The following GLCCI1 variants were observed in gnomAD, a reference collection of about 807,000 sequenced individuals.
The protein encoded by GLCCI1 is glucocorticoid induced 1, also known as glucocorticoid-induced transcript 1 protein.
A neutral mutation model predicts 52.2 loss-of-function variants in GLCCI1; 24 were observed. That is an observed-to-expected ratio of 0.46 (90% CI 0.33 to 0.65). GLCCI1 has a LOEUF of 0.65. Ranked by LOEUF, GLCCI1 falls within the 30% of genes least tolerant of loss-of-function variation. GLCCI1 has a pLI of 0.02. For missense variants in GLCCI1, 704 were observed against 701.5 expected, an observed-to-expected ratio of 1.00 and a Z score of -0.04; for synonymous variants, 310 against 276.5, an observed-to-expected ratio of 1.12 and a Z score of -1.20.
intron 4 of GLCCI1, among the ~76,000 whole-genome samples, chr7:8,059,388 G>A (rs1782467011): frequency 6.6e-6 from 1 of 152,148 alleles, no homozygotes; most frequent in African/African-American, 2.4e-5. Flanking sequence ...TTCAGTGTAA[G>A]ATAGAGGTCA....
At chr7:8,062,644 A>G (rs1325781857) in intron 5 of GLCCI1, among the ~76,000 whole-genome samples, 2 of 152,116 alleles carry the variant, frequency 1.3e-5, no homozygotes, top group African/African-American at 4.8e-5. Flanking sequence ...GTAGGCCCTG[A>G]TATCTGTTGT....
intron 1 of GLCCI1, among the ~76,000 whole-genome samples, chr7:7,983,708 G>C (rs1780667633): frequency 6.6e-6 from 1 of 152,152 alleles, no homozygotes. Flanking sequence ...ATGATTGTTA[G>C]TGCATGCAAG....
intron 3 of GLCCI1, among the ~76,000 whole-genome samples, chr7:8,027,701 C>T (rs73242085): frequency 6.7e-6 from 1 of 150,166 alleles, no homozygotes; most frequent in Non-Finnish European, 1.5e-5. Context: ...AAAAAAGAGA[C>T]CCAATGATCT....
intron 2 of GLCCI1, among the ~76,000 whole-genome samples, chr7:8,010,086 A>G (rs1781234738): frequency 6.6e-6 from 1 of 152,180 alleles, no homozygotes; most frequent in Non-Finnish European, 1.5e-5. Flanking sequence ...TGATACAGTT[A>G]GATGCGATTT....
chr7:8,008,575 A>G (rs1292007547), intron 2 of GLCCI1, among the ~76,000 whole-genome samples: 47 of 152,312 alleles, frequency 3.1e-4, no homozygotes. Flanking sequence ...GATTACAGGC[A>G]TGAGCCACCA....
intron 5 of GLCCI1, among the ~76,000 whole-genome samples, chr7:8,065,162 C>T (rs1436517258): frequency 1.3e-5 from 2 of 152,012 alleles, no homozygotes; most frequent in Non-Finnish European, 2.9e-5. Flanking sequence ...AGCTGTATTC[C>T]TAAGCTATTG....
At chr7:8,045,035 T>G (rs756570278) in intron 3 of GLCCI1, among the ~76,000 whole-genome samples, 1 of 152,116 alleles carries the variant, frequency 6.6e-6, no homozygotes, top group Non-Finnish European at 1.5e-5. Flanking sequence ...AAGAATTAAG[T>G]CCTTATGGCA....
At chr7:8,067,763 T>C (rs913605394) in intron 5 of GLCCI1, among the ~76,000 whole-genome samples, 1 of 152,228 alleles carries the variant, frequency 6.6e-6, no homozygotes, top group African/African-American at 2.4e-5. Context: ...CTGCCTATTC[T>C]CTCCAGCTGC....
chr7:8,009,235 C>T (rs1225668457), intron 2 of GLCCI1, among the ~76,000 whole-genome samples: 1 of 152,080 alleles, frequency 6.6e-6, no homozygotes, highest in Non-Finnish European at 1.5e-5. Flanking sequence ...AAATGTATTA[C>T]CAACTCTTAA....
intron 3 of GLCCI1, among the ~76,000 whole-genome samples, chr7:8,051,316 G>C (rs1782254419): frequency 6.6e-6 from 1 of 152,202 alleles, no homozygotes; most frequent in Non-Finnish European, 1.5e-5. Flanking sequence ...TCTTTGCCAT[G>C]CAAGGCAGGA....
Position 8,086,522 on chromosome 7 carries a change from A to T in GLCCI1, c.1628A>T (p.Asn543Ile). The T allele has an allele frequency of 6.3e-7, 1 of 1,590,138 alleles. No homozygotes were observed. Among genetic ancestry groups the T allele is most frequent in the South Asian group, 1.1e-5 (1 of 87,566 alleles). Residue 543 changes from asparagine to isoleucine, a missense_variant, in exon 8 of 8, where the codon AAC becomes ATC. Physicochemically the swap from Asn to Ile is moderately radical, Grantham distance 149 (BLOSUM62 -3). Transcript: ENST00000223145. This position sits in a 1 kb window ranked among gnomAD's most constrained non-coding sequence, Gnocchi z 4.4. ...GGTGAGGACCACATCTCTGCTCAGAACTATGTGATCATCTAAAAAAGGGGG... is the reference window on the plus strand; with the variant it reads ...GGTGAGGACCACATCTCTGCTCAGATCTATGTGATCATCTAAAAAAGGGGG... ...LQGEDHISAQ[N>I]YVII is the part of the protein sequence containing the mutation.
In GLCCI1 at chr7:8,056,186, C is replaced by G. The variant is rs555777185; in HGVS notation, c.813+637C>G. ...TGGTGGTGGGTTCCTGTAATCCCAG[C>G]TATTCGGAGACTGAGGCAGGAGACT... On this transcript the variant is annotated intron_variant, in intron 4 of 7. Transcript: ENST00000223145. Among the ~76,000 whole-genome samples, 16 of 151,456 alleles carry G rather than the reference C, an allele frequency of 1.1e-4. No individual in the cohort carries two copies. In the South Asian group the frequency reaches 2.3e-3, roughly 22 times the overall value.
At chr7:7,986,934 G>T (rs1041776422) in intron 1 of GLCCI1, among the ~76,000 whole-genome samples, 1 of 152,008 alleles carries the variant, frequency 6.6e-6, no homozygotes, top group African/African-American at 2.4e-5. Context: ...ACATGGTGGG[G>T]TTTTTTTGCA....
chr7:8,041,810 T>C (rs1782005209), intron 3 of GLCCI1, among the ~76,000 whole-genome samples: 1 of 152,048 alleles, frequency 6.6e-6, no homozygotes, highest in Non-Finnish European at 1.5e-5. Context: ...CAGACTGGTC[T>C]CGAACTCCTG....
At position 8,086,296 on chromosome 7, in the gene GLCCI1, C is replaced by A. The variant is rs778089802; in HGVS notation, c.1402C>A (p.Pro468Thr). Reference sequence around the variant, plus strand: ...TTTCTGTCCTGTAAAACTTCTAGGCCCCCTCTTACCTGCTTCTGACCTTAT... The same window carrying A: ...TTTCTGTCCTGTAAAACTTCTAGGCACCCTCTTACCTGCTTCTGACCTTAT... The part of the protein sequence containing the change: ...SAFCPVKLLG[P>T]LLPASDLMLK... The change falls in exon 8 of 8, where the codon CCC becomes ACC. Residue 468 changes from proline (P) to threonine (T), a missense_variant. Coordinates refer to ENST00000223145, the MANE Select transcript of GLCCI1 (RefSeq NM_138426.4). The surrounding 1 kb of genome is among the most constrained non-coding windows in gnomAD (Gnocchi z 4.4). 18 of 1,614,094 alleles carry A rather than the reference C, an allele frequency of 1.1e-5. No homozygotes were observed. Among genetic ancestry groups the A allele is most frequent in the Non-Finnish European group, 1.5e-5 (18 of 1,179,994 alleles).
At chr7:7,992,853 A>G (rs1176843190) in intron 1 of GLCCI1, among the ~76,000 whole-genome samples, 1 of 151,994 alleles carries the variant, frequency 6.6e-6, no homozygotes, top group Non-Finnish European at 1.5e-5. Context: ...TGTTTCTTGT[A>G]ACTTAGTCTT....
chr7:7,996,043 T>A (rs1237327159), intron 1 of GLCCI1, among the ~76,000 whole-genome samples: 1 of 152,234 alleles, frequency 6.6e-6, no homozygotes, highest in Non-Finnish European at 1.5e-5. Flanking sequence ...GCCTGTCTCA[T>A]TTCATAAAAA....
At chr7:8,039,949 A>G (rs1299102946) in intron 3 of GLCCI1, among the ~76,000 whole-genome samples, 1 of 150,456 alleles carries the variant, frequency 6.6e-6, no homozygotes. Context: ...GTGAGCCGAG[A>G]TCATGCCACT....
At chr7:7,981,316 C>CTCTT (rs71543852) in intron 1 of GLCCI1, 10 of 225,884 alleles carry the variant, frequency 4.4e-5, no homozygotes, top group Admixed American at 1.3e-4. Context: ...CTTTCTGTCT[C>CTCTT]TCTTTCTTTC....
Sources: gnomAD v4.1 joint callset for allele counts (sites outside exome capture counted in the v4.1 genomes callset) on GRCh38, gnomAD v4.1.1 for gene constraint, Gnocchi (gnomAD v3.1) non-coding constraint, MANE v1.5 for transcripts, NCBI Gene and HGNC (gene_info 2026-07-23, HGNC 2026-07-21) for gene names.